NCAPD2: variants seen among roughly 807,000 people sequenced by gnomAD.
NCAPD2 encodes condensin complex subunit 1.
In NCAPD2, 100 loss-of-function variants were observed where a neutral mutation model predicts 164.5. The ratio of observed to expected loss-of-function variants is 0.61; its 90% CI spans 0.52 to 0.72. NCAPD2 has a LOEUF of 0.72. Among genes scored for constraint, NCAPD2 ranks in the 30% least tolerant of loss-of-function variants. NCAPD2 has a pLI of 0.00. For missense variants in NCAPD2, 1,560 were observed against 1,749.2 expected (o/e 0.89, Z 1.93); for synonymous variants, 585 against 642.6 (o/e 0.91, Z 1.36).
intron 13 of NCAPD2, among the ~76,000 whole-genome samples, chr12:6,520,267 T>G (rs1025126493): frequency 6.6e-6 from 1 of 151,216 alleles, no homozygotes; most frequent in Non-Finnish European, 1.5e-5. Flanking sequence ...AGAGAGAGAG[T>G]GTCTCACTCT....
Position 6,529,812 on chromosome 12 carries a change from T to TCA in NCAPD2, c.3694_3695dup (p.Gln1232HisfsTer37). 1 of 1,614,152 alleles carries TCA rather than the reference T, an allele frequency of 6.2e-7. No homozygotes were observed. The highest frequency in any genetic ancestry group is 8.5e-7 in the Non-Finnish European group (1 of 1,179,970). On this transcript the variant is annotated frameshift_variant, in exon 29 of 32. Coordinates refer to ENST00000315579, the MANE Select transcript of NCAPD2 (RefSeq NM_014865.4). LOFTEE classifies it high-confidence loss of function. ...GCAGCGAGACCTGGCCTACTGTGTG[T>TCA]CACAGCTGCCCCTCACAGAGCGAGG...
intron 22 of NCAPD2, among the ~76,000 whole-genome samples, chr12:6,527,404 GT>G (rs1369713388): frequency 6.6e-6 from 1 of 152,202 alleles, no homozygotes; most frequent in Non-Finnish European, 1.5e-5. Context: ...GGGGCCCTGT[GT>G]TCCCTCCACT....
intron 15 of NCAPD2, 104 bp from the exon 16 acceptor site, chr12:6,522,724 G>T (rs538710724): frequency 1.6e-6 from 2 of 1,284,396 alleles, no homozygotes; most frequent in Non-Finnish European, 2.2e-6. Flanking sequence ...GGGAAAATGC[G>T]GAAGGCCTCC....
chr12:6,511,242 G>T lies in NCAPD2; in HGVS notation c.577G>T (p.Glu193Ter). The change falls in exon 6 of 32, where the codon GAA becomes TAA. Residue 193 changes from glutamate to a stop codon, truncating the protein, a stop_gained. Transcript: ENST00000315579. LOFTEE classifies it high-confidence loss of function. The stretch of plus-strand genomic sequence containing the variant: ...GTGGAACCACTCAATAATTGAAGAA[G>T]AATTTGTCAGGTGGGTAGGGAGGAT... ...HLWNHSIIEE[E>*]FVSLVTGCCY... 6.2e-7 allele frequency: 1 copy of T among 1,614,182 alleles called. No individual in the cohort carries two copies. The highest frequency in any genetic ancestry group is 8.5e-7 in the Non-Finnish European group (1 of 1,180,012).
intron 2 of NCAPD2, among the ~76,000 whole-genome samples, chr12:6,503,079 A>G (rs536966954): frequency 6.9e-6 from 1 of 144,590 alleles, no homozygotes; most frequent in Non-Finnish European, 1.5e-5. Context: ...GCTGGTCTCG[A>G]ACTCCTGACC....
chr12:6,523,196 A>T, intron 16 of NCAPD2, 66 bp from the exon 17 acceptor site: 1 of 1,538,218 alleles, frequency 6.5e-7, no homozygotes, highest in Non-Finnish European at 9.0e-7. Context: ...GGATAGCCCT[A>T]ATCACTGTTT....
chr12:6,521,821 A>G lies in NCAPD2; in HGVS notation c.1738A>G (p.Lys580Glu). The G allele has an allele frequency of 6.2e-7, 1 of 1,614,052 alleles. No homozygotes were observed. Among genetic ancestry groups the G allele is most frequent in the Non-Finnish European group, 8.5e-7 (1 of 1,179,920 alleles). The change falls in exon 15 of 32, where the codon AAG becomes GAG. Residue 580 changes from lysine (K) to glutamate (E), a missense_variant. By Grantham distance (56) the Lys-to-Glu change is moderately conservative. Coordinates refer to ENST00000315579, the MANE Select transcript of NCAPD2 (RefSeq NM_014865.4). ...FKGPAASTQE[K>E]NPRESTGNMV... is the part of the protein sequence containing the mutation. ...AGGCCCAGCAGCTTCCACACAAGAA[A>G]AGAATCCCCGGGAGTCTACAGGAAA... is the stretch of plus-strand genomic sequence containing the variant.
At chr12:6,526,682 C>G in intron 21 of NCAPD2, 67 bp downstream of exon 21, 1 of 1,562,508 alleles carries the variant, frequency 6.4e-7, no homozygotes, top group Non-Finnish European at 8.7e-7. Flanking sequence ...CCAGGAGCCA[C>G]TGCCACCACC....
intron 15 of NCAPD2, 132 bp from the exon 16 acceptor site, chr12:6,522,696 G>C: frequency 1.1e-6 from 1 of 931,758 alleles, no homozygotes; most frequent in East Asian, 2.4e-5. Flanking sequence ...GGCATCATAG[G>C]AGGAGTCGAC....
Position 6,522,238 on chromosome 12 carries a change from ATCTTGGAGT to A in NCAPD2, c.1954+206_1954+214del, listed in dbSNP as rs546272915. Among the ~76,000 whole-genome samples the A allele has an allele frequency of 1.1e-3, 163 of 151,872 alleles. 1 individual carries two copies. Among genetic ancestry groups the A allele is most frequent in the Admixed American group, 5.8e-3 (89 of 15,234 alleles). On this transcript the variant is annotated intron_variant, in intron 15 of 31. Transcript: ENST00000315579. ...TGTGAGCCACTGCACCCGGCCATGGATCTTGGAGTTCTTTTCCATATTTTATTGATATAT... is the reference window on the plus strand; with the variant it reads ...TGTGAGCCACTGCACCCGGCCATGGATCTTTTCCATATTTTATTGATATAT...
intron 2 of NCAPD2, among the ~76,000 whole-genome samples, chr12:6,495,575 C>T (rs558129329): frequency 1.2e-3 from 175 of 152,166 alleles, no homozygotes; most frequent in Middle Eastern, 3.4e-3. Context: ...GGACTTAACT[C>T]GACCTGTTTT....
chr12:6,529,889 T>G lies in NCAPD2; in HGVS notation c.3768T>G (p.Asp1256Glu). The change falls in exon 29 of 32, where the codon GAT (aspartate) becomes GAG (glutamate). Residue 1256 changes from aspartate (D) to glutamate (E), a missense_variant. Asp to Glu is a conservative substitution (Grantham distance 45, BLOSUM62 2). Coordinates refer to ENST00000315579, the MANE Select transcript of NCAPD2 (RefSeq NM_014865.4). ...NFDCFGDKLS[D>E]ESIFSAFLSV... Reference sequence around the variant, plus strand: ...ACTGTTTTGGAGACAAACTGTCAGATGAGTCCATCTTCAGTGCTTTTTTGT... The same window carrying G: ...ACTGTTTTGGAGACAAACTGTCAGAGGAGTCCATCTTCAGTGCTTTTTTGT... 1.9e-6 allele frequency: 3 copies of G among 1,614,282 alleles called. No individual in the cohort carries two copies. The highest frequency in any genetic ancestry group is 2.5e-6 in the Non-Finnish European group (3 of 1,180,054).
intron 8 of NCAPD2, 75 bp downstream of exon 8, chr12:6,514,662 A>T: frequency 1.2e-6 from 2 of 1,611,186 alleles, no homozygotes; most frequent in Non-Finnish European, 1.7e-6. Context: ...GAAATACATT[A>T]TCTGTGCAAC....
At chr12:6,526,868 C>G in intron 21 of NCAPD2, 23 bp from the exon 22 acceptor site, 1 of 1,584,296 alleles carries the variant, frequency 6.3e-7, no homozygotes, top group Non-Finnish European at 8.6e-7. Context: ...CTTTGCCCCA[C>G]CTTCCCTCTC....
chr12:6,509,921 G>A, intron 3 of NCAPD2, 129 bp downstream of exon 3: 1 of 1,251,764 alleles, frequency 8.0e-7, no homozygotes, highest in South Asian at 1.3e-5. Flanking sequence ...TATCTCTACT[G>A]ATGAGCATGT....
chr12:6,505,156 C>T (rs1946087629), intron 2 of NCAPD2, among the ~76,000 whole-genome samples: 1 of 152,116 alleles, frequency 6.6e-6, no homozygotes. Flanking sequence ...ACCTCCGCCT[C>T]CCCGGGTTCA....
chr12:6,518,522 T>TTTTTTTTTTG, intron 13 of NCAPD2, among the ~76,000 whole-genome samples: 1 of 119,586 alleles, frequency 8.4e-6, no homozygotes, highest in Non-Finnish European at 1.7e-5. Flanking sequence ...TTTTTTTTTT[T>TTTTTTTTTTG]TTTTTTTTTT....
At position 6,514,857 on chromosome 12, in the gene NCAPD2, A is replaced by C; in HGVS notation, c.924A>C (p.Ala308=). The change falls in exon 9 of 32, where the codon GCA becomes GCC. Residue 308 remains alanine (A), a synonymous_variant. Transcript: ENST00000315579. ...KGFAAFLTEL[A]ERVPAILMSS... Reference sequence around the variant, plus strand: ...TTGCAGCATTCCTGACAGAACTAGCAGAACGTGTCCCAGCTATCCTGATGT... The same window carrying C: ...TTGCAGCATTCCTGACAGAACTAGCCGAACGTGTCCCAGCTATCCTGATGT... 6.2e-7 allele frequency: 1 copy of C among 1,614,252 alleles called. No individual in the cohort carries two copies. Among genetic ancestry groups the C allele is most frequent in the Non-Finnish European group, 8.5e-7 (1 of 1,180,036 alleles).
chr12:6,529,442 C>G, intron 27 of NCAPD2, 71 bp from the exon 28 acceptor site: 1 of 1,354,178 alleles, frequency 7.4e-7, no homozygotes. Context: ...GGGGGAGGGT[C>G]CAGGGTTGGT....
Sources: allele counts gnomAD v4.1 joint callset (sites outside exome capture counted in the v4.1 genomes callset), GRCh38; gene constraint gnomAD v4.1.1; transcripts MANE v1.5; gene names NCBI Gene and HGNC (gene_info 2026-07-23, HGNC 2026-07-21).